The following RALYL variants were observed in gnomAD, a reference collection of about 807,000 sequenced individuals.
RALYL encodes the protein RNA-binding Raly-like protein.
In RALYL, 29 loss-of-function variants were observed where a neutral mutation model predicts 35.1. That is an observed-to-expected ratio of 0.83 (90% CI 0.61 to 1.13). The LOEUF (loss-of-function observed/expected upper bound fraction) is 1.13. RALYL is among the 50% of genes most tolerant of loss of function. The pLI is 0.00. For synonymous variants in RALYL, 120 were observed against 127.6 expected (o/e 0.94, Z 0.40); for missense variants, 359 against 360.4 (o/e 1.00, Z 0.03).
At position 84,183,645 on chromosome 8, in the gene RALYL, T is replaced by G. The variant is rs935304550; in HGVS notation, c.-803T>G. The G allele has an allele frequency of 6.5e-6, 1 of 152,704 alleles. No individual in the cohort carries two copies. Among genetic ancestry groups the G allele is most frequent in the Admixed American group, 6.5e-5 (1 of 15,284 alleles). The allele number at this position is 152,704 out of a possible 1,614,324, so 9.5% of individuals were successfully genotyped here. A position where few individuals can be genotyped will look rare whatever the true frequency, so the allele number is the denominator to read the frequency against. On this transcript the variant is annotated 5_prime_UTR_variant, in exon 1 of 9. Transcript: ENST00000521268. The stretch of plus-strand genomic sequence containing the variant: ...TTGTCCTTTTTTTTGGTTTTTTGTT[T>G]TTTTTGTTTTTGTTTTTTTTCTTTT...
chr8:84,603,996 G>A (rs1029351672), intron 2 of RALYL, among the ~76,000 whole-genome samples: 1 of 151,968 alleles, frequency 6.6e-6, no homozygotes, highest in South Asian at 2.1e-4. Flanking sequence ...ATTTATAAGA[G>A]CAGAGCCTGG....
intron 1 of RALYL, among the ~76,000 whole-genome samples, chr8:84,361,703 T>C (rs145768573): frequency 3.6e-4 from 55 of 152,142 alleles, no homozygotes; most frequent in Non-Finnish European, 6.9e-4. Context: ...AATCAAAGGC[T>C]GGAGGTAGGG....
intron 1 of RALYL, among the ~76,000 whole-genome samples, chr8:84,381,027 G>A (rs562950877): frequency 1.3e-5 from 2 of 151,818 alleles, no homozygotes; most frequent in African/African-American, 4.8e-5. Context: ...AGCAAAAAGA[G>A]GACCCCAAAC....
chr8:84,668,383 G>A (rs140180102), intron 2 of RALYL, among the ~76,000 whole-genome samples: 2 of 152,236 alleles, frequency 1.3e-5, no homozygotes, highest in South Asian at 2.1e-4. Context: ...TAAAACTTTG[G>A]TGTGTGTGTA....
intron 1 of RALYL, among the ~76,000 whole-genome samples, chr8:84,369,064 C>T (rs757757018): frequency 6.6e-6 from 1 of 152,062 alleles, no homozygotes; most frequent in African/African-American, 2.4e-5. Flanking sequence ...CCTATGAATA[C>T]ATGATTTGTC....
At chr8:84,606,873 T>A (rs554341061) in intron 2 of RALYL, among the ~76,000 whole-genome samples, 1 of 152,120 alleles carries the variant, frequency 6.6e-6, no homozygotes, top group African/African-American at 2.4e-5. Flanking sequence ...GAGGAAAGAT[T>A]TGGAGTCATA....
At chr8:84,640,774 G>T (rs967090543) in intron 2 of RALYL, among the ~76,000 whole-genome samples, 2 of 151,892 alleles carry the variant, frequency 1.3e-5, no homozygotes, top group Admixed American at 6.6e-5. Context: ...AACTTCTGAG[G>T]TATGATTCTG....
At chr8:84,390,105 G>T (rs1206833899) in intron 1 of RALYL, among the ~76,000 whole-genome samples, 3 of 151,938 alleles carry the variant, frequency 2.0e-5, no homozygotes, top group Non-Finnish European at 4.4e-5. Context: ...AGATAATCAT[G>T]GTTTTTGTCT....
chr8:84,903,219 G>A (rs1845968624), intron 8 of RALYL, among the ~76,000 whole-genome samples: 1 of 152,154 alleles, frequency 6.6e-6, no homozygotes, highest in East Asian at 1.9e-4. Flanking sequence ...TGAAATTGCT[G>A]AGAAAAGTTG....
At chr8:84,895,799 A>G (rs1327225128) in intron 8 of RALYL, among the ~76,000 whole-genome samples, 4 of 152,208 alleles carry the variant, frequency 2.6e-5, no homozygotes, top group African/African-American at 9.6e-5. Flanking sequence ...GGTGTGAGCC[A>G]CTGTGCCAGG....
Position 84,528,523 on chromosome 8 carries a change from G to A in RALYL, c.-23-776G>A, listed in dbSNP as rs1176115460. Among the ~76,000 whole-genome samples, 2 of 152,068 alleles carry A rather than the reference G, an allele frequency of 1.3e-5. 1 individual carries two copies. The highest frequency in any genetic ancestry group is 2.9e-5 in the Non-Finnish European group (2 of 67,970). On this transcript the variant is annotated intron_variant, in intron 1 of 8. Coordinates refer to ENST00000521268, the MANE Select transcript of RALYL (RefSeq NM_173848.7). ...CTAGCAATCATTAGGCAACATAGGA[G>A]CCTTTAGTTAAGTGAATTAGAAAGT...
chr8:84,419,451 A>T (rs941874677), intron 1 of RALYL, among the ~76,000 whole-genome samples: 6 of 152,002 alleles, frequency 3.9e-5, no homozygotes, highest in African/African-American at 7.3e-5. Flanking sequence ...CTGTACCATT[A>T]TCCCTAAAAC....
At chr8:84,728,182 G>T (rs1040081792) in intron 2 of RALYL, among the ~76,000 whole-genome samples, 8 of 151,588 alleles carry the variant, frequency 5.3e-5, no homozygotes, top group African/African-American at 1.9e-4. Context: ...GGTGTGAGAT[G>T]GTATCTCACT....
intron 1 of RALYL, among the ~76,000 whole-genome samples, chr8:84,337,516 A>T (rs1356257711): frequency 2.0e-5 from 3 of 152,128 alleles, no homozygotes; most frequent in Non-Finnish European, 4.4e-5. Context: ...TAATGTCTAT[A>T]CATGGCTACA....
chr8:84,425,846 G>C (rs2046368853), intron 1 of RALYL, among the ~76,000 whole-genome samples: 1 of 150,378 alleles, frequency 6.6e-6, no homozygotes, highest in African/African-American at 2.5e-5. Context: ...AAGGTAGTCA[G>C]CTATTGATAG....
At chr8:84,212,699 T>C (rs1399284583) in intron 1 of RALYL, among the ~76,000 whole-genome samples, 2 of 152,154 alleles carry the variant, frequency 1.3e-5, no homozygotes, top group Non-Finnish European at 2.9e-5. Context: ...AATCTTTCCA[T>C]TGAAAAACAA....
At chr8:84,656,427 G>A (rs1186749484) in intron 2 of RALYL, among the ~76,000 whole-genome samples, 1 of 152,132 alleles carries the variant, frequency 6.6e-6, no homozygotes, top group African/African-American at 2.4e-5. Flanking sequence ...GAAATATAGA[G>A]AGAAATAATA....
intron 7 of RALYL, 67 bp from the exon 8 acceptor site, chr8:84,887,537 T>C (rs1843096775): frequency 2.1e-6 from 3 of 1,432,968 alleles, no homozygotes; most frequent in East Asian, 4.6e-5. Context: ...GACTGTTTTT[T>C]CATGGTTTAT....
chr8:84,529,348 C>A lies in RALYL; in HGVS notation c.27C>A (p.Asn9Lys). The A allele has an allele frequency of 1.9e-6, 3 of 1,586,992 alleles. No homozygotes were observed. Among genetic ancestry groups the A allele is most frequent in the South Asian group, 2.3e-5 (2 of 87,780 alleles). ...TGACTGGCAAAACACAGACCAGCAA[C>A]GTCACCAATAAGAATGACCCCAAGT... MTGKTQTS[N>K]VTNKNDPKSI... is the part of the protein sequence containing the mutation. Residue 9 changes from asparagine to lysine, a missense_variant, in exon 2 of 9, where the codon AAC becomes AAA. Coordinates refer to ENST00000521268, the MANE Select transcript of RALYL (RefSeq NM_173848.7).
Sources: gnomAD v4.1 joint callset for allele counts (sites outside exome capture counted in the v4.1 genomes callset) on GRCh38, gnomAD v4.1.1 for gene constraint, MANE v1.5 for transcripts, NCBI Gene and HGNC (gene_info 2026-07-23, HGNC 2026-07-21) for gene names.